Variants in TRAF7 observed in about 807,000 individuals in gnomAD.
The protein encoded by TRAF7 is TNF receptor associated factor 7.
A neutral mutation model predicts 89.3 loss-of-function variants in TRAF7; 45 were observed. That is an observed-to-expected ratio of 0.50 (90% CI 0.40 to 0.65). TRAF7 has a LOEUF of 0.65. TRAF7 is among the 30% of genes least tolerant of loss of function. TRAF7 has a pLI of 0.00. For missense variants in TRAF7, 677 were observed against 918.1 expected (o/e 0.74, Z 3.39); for synonymous variants, 406 against 369.2 (o/e 1.10, Z -1.14).
intron 14 of TRAF7, among the ~76,000 whole-genome samples, chr16:2,174,823 G>A (rs1364933937): frequency 6.6e-6 from 1 of 152,216 alleles, no homozygotes; most frequent in African/African-American, 2.4e-5. Context: ...GCGGCAGCTT[G>A]ACTGCCAGCA....
rs998688402 is a variant in TRAF7, at chr16:2,158,770, G to GC, written c.-39+2912_-39+2913insC. ...GGGACTGGGAAGCGTGGGCTCGGCG[G>GC]GGGGGGGGGGGACACTGCCACCCTT... On this transcript the variant is annotated intron_variant, in intron 1 of 20. Coordinates refer to ENST00000326181, the MANE Select transcript of TRAF7 (RefSeq NM_032271.3). The surrounding 1 kb of genome is among the most constrained non-coding windows in gnomAD (Gnocchi z 4.7). Among the ~76,000 whole-genome samples the GC allele has an allele frequency of 7.9e-5, 10 of 125,808 alleles. No individual in the cohort carries two copies. Among genetic ancestry groups the GC allele is most frequent in the South Asian group, 4.8e-4 (2 of 4,188 alleles). The allele number at this position is 125,808 out of a possible 152,430, so 82.5% of individuals were successfully genotyped here.
At position 2,178,086 on chromosome 16, in the gene TRAF7, C is replaced by T; in HGVS notation, c.*1512C>T. ...TACCTTTTTGTTTCTCTGGGGAAATCCGCCTCAGCTCATTCCCAATAAATT... is the reference window on the plus strand; with the variant it reads ...TACCTTTTTGTTTCTCTGGGGAAATTCGCCTCAGCTCATTCCCAATAAATT... On this transcript the variant is annotated 3_prime_UTR_variant, in exon 21 of 21. Transcript: ENST00000326181. 2.0e-6 allele frequency: 1 copy of T among 496,048 alleles called. No homozygotes were observed. Among genetic ancestry groups the T allele is most frequent in the Admixed American group, 2.5e-5 (1 of 40,128 alleles). The allele number at this position is 496,048 out of a possible 1,614,324, so 30.7% of individuals were successfully genotyped here. A position where few individuals can be genotyped will look rare whatever the true frequency, so the allele number is the denominator to read the frequency against.
In TRAF7 at chr16:2,171,296, G is replaced by T. The variant is rs1235291985; in HGVS notation, c.381G>T (p.Val127=). Residue 127 remains valine (V), a synonymous_variant, in exon 6 of 21, where the codon GTG becomes GTT. Coordinates refer to ENST00000326181, the MANE Select transcript of TRAF7 (RefSeq NM_032271.3). The stretch of plus-strand genomic sequence containing the variant: ...TGGTGTTTGCGGAGCAGCCCTCGGT[G>T]AAGCTGTGCTGTCAGCTCTGCTGCA... The part of the protein sequence containing the change: ...EPLVFAEQPS[V]KLCCQLCCSV... The T allele has an allele frequency of 4.5e-6, 7 of 1,555,796 alleles. No homozygotes were observed. In the South Asian group the frequency reaches 8.3e-5, roughly 18 times the overall value.
intron 2 of TRAF7, 65 bp from the exon 3 acceptor site, chr16:2,165,814 C>T (rs919463959): frequency 2.5e-6 from 4 of 1,589,614 alleles, no homozygotes; most frequent in Admixed American, 1.7e-5. Context: ...TGTGAGTGGG[C>T]TCCACATGTG....
chr16:2,173,878 C>T lies in TRAF7; in HGVS notation c.1135+42C>T, dbSNP rs774064735. On this transcript the variant is annotated intron_variant, in intron 12 of 20. Coordinates refer to ENST00000326181, the MANE Select transcript of TRAF7 (RefSeq NM_032271.3). The stretch of plus-strand genomic sequence containing the variant: ...CGTGGCTCCCGCCCACCCTCCCCCC[C>T]GGGCCCCAACTGGGCCTTCACCCAC... The T allele has an allele frequency of 7.4e-5, 119 of 1,603,078 alleles. No individual in the cohort carries two copies. In the Admixed American group the frequency reaches 1.0e-3, roughly 14 times the overall value.
In TRAF7 at chr16:2,176,752, A is replaced by G; in HGVS notation, c.*178A>G. ...CTCGGCGAGCCTCCCTCTACTCGGC[A>G]CTGTCCTTGCTGCCCAGCCCCTCTC... On this transcript the variant is annotated 3_prime_UTR_variant, in exon 21 of 21. Transcript: ENST00000326181. 1.1e-6 allele frequency: 1 copy of G among 902,566 alleles called. No homozygotes were observed. The highest frequency in any genetic ancestry group is 1.7e-6 in the Non-Finnish European group (1 of 579,438). 55.9% of individuals were successfully genotyped at this position (902,566 alleles called of 1,614,324 possible). A position where few individuals can be genotyped will look rare whatever the true frequency, so the allele number is the denominator to read the frequency against.
At position 2,162,131 on chromosome 16, in the gene TRAF7, A is replaced by G. The variant is rs554441670; in HGVS notation, c.-38-1752A>G. ...GGCCAGGTAGCTCGTGGCGCTGCCAACTGCAGGGGCTGAGATGTCGGGTTG... is the reference window on the plus strand; with the variant it reads ...GGCCAGGTAGCTCGTGGCGCTGCCAGCTGCAGGGGCTGAGATGTCGGGTTG... On this transcript the variant is annotated intron_variant, in intron 1 of 20. Coordinates refer to ENST00000326181, the MANE Select transcript of TRAF7 (RefSeq NM_032271.3). This position sits in a 1 kb window ranked among gnomAD's most constrained non-coding sequence, Gnocchi z 5.0. 1.3e-5 allele frequency among the ~76,000 whole-genome samples: 2 copies of G among 152,342 alleles called. No homozygotes were observed. The highest frequency in any genetic ancestry group is 1.9e-4 in the East Asian group (1 of 5,178).
chr16:2,164,149 TGTGTGTGTGTGCGC>T, intron 2 of TRAF7, 148 bp downstream of exon 2: 1 of 556,670 alleles, frequency 1.8e-6, no homozygotes, highest in Non-Finnish European at 3.1e-6. Context: ...GGTGTGTGTG[TGTGTGTGTGTGCGC>T]GCGCGCGCGC....
In TRAF7 at chr16:2,176,756, T is replaced by C. The variant is rs985446517; in HGVS notation, c.*182T>C. ...GCGAGCCTCCCTCTACTCGGCACTG[T>C]CCTTGCTGCCCAGCCCCTCTCTGGG... is the stretch of plus-strand genomic sequence containing the variant. On this transcript the variant is annotated 3_prime_UTR_variant, in exon 21 of 21. Coordinates refer to ENST00000326181, the MANE Select transcript of TRAF7 (RefSeq NM_032271.3). The C allele has an allele frequency of 1.2e-6, 1 of 865,320 alleles. No homozygotes were observed. Among genetic ancestry groups the C allele is most frequent in the South Asian group, 1.5e-5 (1 of 65,198 alleles). 53.6% of individuals were successfully genotyped at this position (865,320 alleles called of 1,614,324 possible).
At chr16:2,171,802 A>C (rs1359707389) in intron 7 of TRAF7, among the ~76,000 whole-genome samples, 197 bp downstream of exon 7, 1 of 152,172 alleles carries the variant, frequency 6.6e-6, no homozygotes, top group Non-Finnish European at 1.5e-5. Context: ...GGGACACCCC[A>C]AATTCCAGTG....
Position 2,172,252 on chromosome 16 carries a change from G to A in TRAF7, c.537G>A (p.Glu179=). Reference sequence around the variant, plus strand: ...TGGTGAACAACATCGCGGTGGCCGAGCAGATCGGGGAGCTCTTCATCCACT... The same window carrying A: ...TGGTGAACAACATCGCGGTGGCCGAACAGATCGGGGAGCTCTTCATCCACT... ...TVVVNNIAVA[E]QIGELFIHCR... The change falls in exon 8 of 21, where the codon GAG becomes GAA. Residue 179 remains glutamate, a synonymous_variant. Transcript: ENST00000326181. The A allele has an allele frequency of 6.2e-7, 1 of 1,612,996 alleles. No homozygotes were observed. Among genetic ancestry groups the A allele is most frequent in the Non-Finnish European group, 8.5e-7 (1 of 1,179,986 alleles).
In TRAF7 at chr16:2,174,128, T is replaced by TG. The variant is rs1211827085; in HGVS notation, c.1263+83dup. On this transcript the variant is annotated intron_variant, in intron 13 of 20. Transcript: ENST00000326181. Reference sequence around the variant, plus strand: ...ATGCCTGGCACTGCCAGCCTGCCTATGGGTGGGACCTTCTGGGCAGGGCCC... The same window carrying TG: ...ATGCCTGGCACTGCCAGCCTGCCTATGGGGTGGGACCTTCTGGGCAGGGCCC... 2.5e-6 allele frequency: 4 copies of TG among 1,603,878 alleles called. No homozygotes were observed. In the African/African-American group the frequency reaches 5.4e-5, roughly 21 times the overall value.
rs576446145 is a variant in TRAF7, at chr16:2,164,175, C to T, written c.81+174C>T. ...GTGTGTGTGTGCGCGCGCGCGCGCG[C>T]GCGCGCACGCGTGCGTGTGTGGTTG... On this transcript the variant is annotated intron_variant, in intron 2 of 20. Transcript: ENST00000326181. Among the ~76,000 whole-genome samples the T allele has an allele frequency of 3.3e-4, 39 of 119,622 alleles. No homozygotes were observed. The East Asian group carries it at 5.5e-3, about 17-fold the overall frequency. The allele number at this position is 119,622 out of a possible 152,430, so 78.5% of individuals were successfully genotyped here. A position where few individuals can be genotyped will look rare whatever the true frequency, so the allele number is the denominator to read the frequency against.
rs887169057 is a variant in TRAF7, at chr16:2,162,343, C to T, written c.-38-1540C>T. ...AGCCCCTCCCTGCACACCTGTAGGC[C>T]GGGCTGGGGGGCCCCAGGCCAGACT... is the stretch of plus-strand genomic sequence containing the variant. On this transcript the variant is annotated intron_variant, in intron 1 of 20. Transcript: ENST00000326181. The surrounding 1 kb of genome is among the most constrained non-coding windows in gnomAD (Gnocchi z 5.0). Among the ~76,000 whole-genome samples the T allele has an allele frequency of 1.3e-5, 2 of 151,852 alleles. No individual in the cohort carries two copies. Among genetic ancestry groups the T allele is most frequent in the African/African-American group, 4.8e-5 (2 of 41,444 alleles).
intron 1 of TRAF7, among the ~76,000 whole-genome samples, chr16:2,156,277 C>G (rs2093033983): frequency 6.6e-6 from 1 of 152,134 alleles, no homozygotes; most frequent in Non-Finnish European, 1.5e-5. Context: ...AGGAGCTGCC[C>G]TGTACATTGT....
intron 12 of TRAF7, 23 bp downstream of exon 12, chr16:2,173,859 T>TTGCCCCCCCC: frequency 4.0e-6 from 5 of 1,246,220 alleles, no homozygotes; most frequent in Non-Finnish European, 5.5e-6. Context: ...CCGCCGTGGC[T>TTGCCCCCCCC]CCCGCCCACC....
chr16:2,161,470 C>T lies in TRAF7; in HGVS notation c.-38-2413C>T, dbSNP rs1356652543. Among the ~76,000 whole-genome samples, 1 of 152,168 alleles carries T rather than the reference C, an allele frequency of 6.6e-6. No individual in the cohort carries two copies. The highest frequency in any genetic ancestry group is 1.5e-5 in the Non-Finnish European group (1 of 68,030). ...TGTGAGCAACAGGCACTGAGGCCAGCCCGACCCATCCCAGGGGAGTGCCTG... is the reference window on the plus strand; with the variant it reads ...TGTGAGCAACAGGCACTGAGGCCAGTCCGACCCATCCCAGGGGAGTGCCTG... On this transcript the variant is annotated intron_variant, in intron 1 of 20. Coordinates refer to ENST00000326181, the MANE Select transcript of TRAF7 (RefSeq NM_032271.3). This position sits in a 1 kb window ranked among gnomAD's most constrained non-coding sequence, Gnocchi z 5.2.
chr16:2,171,393 G>GA (rs1478417944), intron 6 of TRAF7, 37 bp downstream of exon 6: 16 of 1,541,776 alleles, frequency 1.0e-5, no homozygotes, highest in Non-Finnish European at 1.2e-5. Context: ...CCTGCTGCCA[G>GA]AGGCCCCCAC....
chr16:2,164,153 TGTGTGTGCGCGCGC>T (rs2093069257), intron 2 of TRAF7, 152 bp downstream of exon 2: 2 of 553,566 alleles, frequency 3.6e-6, no homozygotes, highest in Non-Finnish European at 6.2e-6. Context: ...TGTGTGTGTG[TGTGTGTGCGCGCGC>T]GCGCGCGCGC....
Sources: allele counts gnomAD v4.1 joint callset (sites outside exome capture counted in the v4.1 genomes callset), GRCh38; gene constraint gnomAD v4.1.1; non-coding constraint Gnocchi (gnomAD v3.1); transcripts MANE v1.5; gene names NCBI Gene and HGNC (gene_info 2026-07-23, HGNC 2026-07-21).